The following SFI1 variants were observed in gnomAD, a reference collection of about 807,000 sequenced individuals.
SFI1 encodes protein SFI1 homolog.
Under a neutral mutation model 207.5 loss-of-function variants are expected in SFI1, and 195 were observed. That is an observed-to-expected ratio of 0.94 (90% confidence interval 0.84 to 1.06). The LOEUF (loss-of-function observed/expected upper bound fraction) is 1.06, where lower values mean the gene tolerates loss of function less well. Among genes scored for constraint, SFI1 ranks in the 50% least tolerant of loss-of-function variants. SFI1 has a pLI of 0.00. For synonymous variants in SFI1, 630 were observed against 598.9 expected (o/e 1.05, Z -0.76); for missense variants, 1,634 against 1,588.0 (o/e 1.03, Z -0.49).
rs761293798 is a variant in SFI1, at chr22:31,613,587, G to C, written c.2743-15G>C. ...GGCAGGGTGTGGCATGAGCTGACCA[G>C]AGGCTGTGTTGTAGGCGGCTCACAG... On this transcript the variant is annotated splice_polypyrimidine_tract_variant and intron_variant, in intron 26 of 32. Transcript: ENST00000400288. 1.1e-5 allele frequency: 17 copies of C among 1,578,360 alleles called. 1 individual carries two copies. In the East Asian group the frequency reaches 2.5e-4, roughly 23 times the overall value.
At chr22:31,523,199 T>C (rs1385887298) in intron 2 of SFI1, among the ~76,000 whole-genome samples, 1 of 152,192 alleles carries the variant, frequency 6.6e-6, no homozygotes, top group African/African-American at 2.4e-5. Context: ...TAATAGATAA[T>C]TATTTTCTCC....
chr22:31,585,865 T>C (rs2064966910), intron 14 of SFI1, among the ~76,000 whole-genome samples: 1 of 152,124 alleles, frequency 6.6e-6, no homozygotes, highest in Admixed American at 6.6e-5. Flanking sequence ...GTGCCCCCTT[T>C]TTGGTCATCT....
chr22:31,615,943 T>C (rs8138525), intron 29 of SFI1: 119,251 of 152,164 alleles, frequency 0.78, 47,713 homozygotes, highest in African/African-American at 0.94. Context: ...TGATGTCAAA[T>C]TTGAGAGAAA....
intron 15 of SFI1, among the ~76,000 whole-genome samples, chr22:31,593,144 C>CA (rs2066388887): frequency 6.7e-6 from 1 of 148,696 alleles, no homozygotes; most frequent in South Asian, 2.1e-4. Context: ...GACCCCCCCC[C>CA]ACCTCCTTCC....
Position 31,613,834 on chromosome 22 carries a change from A to AG in SFI1, c.2977dup (p.Glu993GlyfsTer117). The stretch of plus-strand genomic sequence containing the variant: ...GGAGCTCTGGGCCGCCTGGCTGCTG[A>AG]GGAGCCCCACGCCCTGGAGCTGTGA... On this transcript the variant is annotated frameshift_variant, in exon 27 of 33. Coordinates refer to ENST00000400288, the MANE Select transcript of SFI1 (RefSeq NM_001007467.3). LOFTEE classifies it high-confidence loss of function. The AG allele has an allele frequency of 6.2e-7, 1 of 1,608,238 alleles. No individual in the cohort carries two copies. Among genetic ancestry groups the AG allele is most frequent in the Non-Finnish European group, 8.5e-7 (1 of 1,177,580 alleles).
intron 12 of SFI1, among the ~76,000 whole-genome samples, chr22:31,583,417 G>A (rs1278288495): frequency 1.3e-5 from 2 of 152,106 alleles, no homozygotes; most frequent in African/African-American, 2.4e-5. Context: ...GCCCAGCCCA[G>A]TGTTTTATGT....
chr22:31,578,416 T>G lies in SFI1; in HGVS notation c.1119T>G (p.Phe373Leu). 6.2e-7 allele frequency: 1 copy of G among 1,613,726 alleles called. No individual in the cohort carries two copies. The highest frequency in any genetic ancestry group is 1.3e-5 in the African/African-American group (1 of 75,020). ...TGTGTGCAGAAGAAGCTGCCCAGTT[T>G]GAGATGGCAGAAGAGCACCACAGGC... ...MLLCAEEAAQ[F>L]EMAEEHHRHS... Residue 373 changes from phenylalanine to leucine, a missense_variant, in exon 11 of 33, where the codon TTT becomes TTG. Physicochemically the swap from Phe to Leu is conservative, Grantham distance 22 (BLOSUM62 0). Transcript: ENST00000400288.
intron 6 of SFI1, among the ~76,000 whole-genome samples, chr22:31,554,228 C>T (rs1268060912): frequency 6.6e-6 from 1 of 152,076 alleles, no homozygotes; most frequent in African/African-American, 2.4e-5. Context: ...TATGTTTTCT[C>T]CTAAACATTC....
chr22:31,604,853 TC>T lies in SFI1; in HGVS notation c.1978-14del, dbSNP rs1320098933. ...GTGGGCCCAAGAGCAGCCTCAGTCTTCCTTGTCCCCTACAGACTTACCAGGG... is the reference window on the plus strand; with the variant it reads ...GTGGGCCCAAGAGCAGCCTCAGTCTTCTTGTCCCCTACAGACTTACCAGGG... On this transcript the variant is annotated splice_polypyrimidine_tract_variant and intron_variant, in intron 19 of 32. Transcript: ENST00000400288. 1.2e-6 allele frequency: 2 copies of T among 1,609,754 alleles called. No homozygotes were observed. Among genetic ancestry groups the T allele is most frequent in the Admixed American group, 1.7e-5 (1 of 59,540 alleles).
At chr22:31,595,577 G>C (rs2066982015) in intron 15 of SFI1, among the ~76,000 whole-genome samples, 1 of 152,198 alleles carries the variant, frequency 6.6e-6, no homozygotes, top group African/African-American at 2.4e-5. Flanking sequence ...CTTTGTAGGA[G>C]GGTGAAATTT....
intron 2 of SFI1, among the ~76,000 whole-genome samples, chr22:31,526,142 A>G (rs750677873): frequency 2.0e-5 from 3 of 152,210 alleles, no homozygotes; most frequent in Non-Finnish European, 2.9e-5. Flanking sequence ...AGATAATCTT[A>G]TAGAAGCAAA....
At chr22:31,584,939 T>C (rs2064824361) in intron 13 of SFI1, 129 bp from the exon 14 acceptor site, 2 of 595,684 alleles carry the variant, frequency 3.4e-6, no homozygotes, top group Non-Finnish European at 5.8e-6. Flanking sequence ...TTGCCGTCTC[T>C]CCTAGAATGA....
intron 1 of SFI1, among the ~76,000 whole-genome samples, chr22:31,504,216 C>T (rs745803570): frequency 1.3e-5 from 2 of 152,108 alleles, no homozygotes; most frequent in Non-Finnish European, 1.5e-5. Flanking sequence ...AAACCCAAGG[C>T]GGTGACACAT....
chr22:31,604,798 C>T (rs900925621), intron 19 of SFI1, 71 bp from the exon 20 acceptor site: 1 of 1,424,322 alleles, frequency 7.0e-7, no homozygotes, highest in Non-Finnish European at 9.7e-7. Flanking sequence ...GGTAGATGCA[C>T]CTCTGAGGCC....
At chr22:31,535,934 T>C (rs1238678012) in intron 4 of SFI1, among the ~76,000 whole-genome samples, 1 of 152,088 alleles carries the variant, frequency 6.6e-6, no homozygotes, top group Non-Finnish European at 1.5e-5. Context: ...GAGTCAAGGT[T>C]CGGTTAAGTT....
chr22:31,501,998 C>G (rs960918016), intron 1 of SFI1, among the ~76,000 whole-genome samples: 1 of 152,002 alleles, frequency 6.6e-6, no homozygotes, highest in African/African-American at 2.4e-5. Flanking sequence ...GCTTCCTGTC[C>G]AGGGTGGCAT....
intron 17 of SFI1, 49 bp from the exon 18 acceptor site, chr22:31,603,695 C>T (rs2068494507): frequency 4.1e-6 from 6 of 1,446,416 alleles, no homozygotes; most frequent in Non-Finnish European, 5.5e-6. Flanking sequence ...ATAGAGGGTG[C>T]CCTCACTGGG....
chr22:31,603,089 A>C (rs2068380078), intron 17 of SFI1, among the ~76,000 whole-genome samples: 2 of 152,174 alleles, frequency 1.3e-5, no homozygotes, highest in Non-Finnish European at 2.9e-5. Context: ...AAAATTAGCC[A>C]GGCGTGGTGG....
At position 31,589,653 on chromosome 22, in the gene SFI1, T is replaced by C. The variant is rs2065553201; in HGVS notation, c.1544+76T>C. ...TCTGACAACCACACAGCCCATTTGC[T>C]GTGCTTTTCAGCTTCCCAGACCCCA... On this transcript the variant is annotated intron_variant, in intron 15 of 32. Transcript: ENST00000400288. The C allele has an allele frequency of 2.7e-6, 4 of 1,491,982 alleles. No individual in the cohort carries two copies. In the African/African-American group the frequency reaches 4.2e-5, roughly 16 times the overall value. 92.4% of individuals were successfully genotyped at this position (1,491,982 alleles called of 1,614,324 possible).
Sources: gnomAD v4.1 joint callset for allele counts (sites outside exome capture counted in the v4.1 genomes callset) on GRCh38, gnomAD v4.1.1 for gene constraint, MANE v1.5 for transcripts, NCBI Gene and HGNC (gene_info 2026-07-23, HGNC 2026-07-21) for gene names.